The following SIX2 variants were observed in gnomAD, a reference collection of about 807,000 sequenced individuals.
The protein encoded by SIX2 is SIX homeobox 2, also known as homeobox protein SIX2.
SIX2 carries 20 observed loss-of-function variants against 22.8 expected under a neutral mutation model. The observed-to-expected ratio is 0.88, with a 90% CI of 0.62 to 1.28. The LOEUF is 1.28. SIX2 is among the 50% of genes most tolerant of loss of function. The pLI is 0.00. For missense variants in SIX2, 360 were observed against 400.0 expected (o/e 0.90, Z 0.85); for synonymous variants, 195 against 186.4 (o/e 1.05, Z -0.37).
chr2:45,009,024 C>A lies in SIX2; in HGVS notation c.87G>T (p.Arg29=). Residue 29 remains arginine, a synonymous_variant, in exon 1 of 2, where the codon CGG becomes CGT. Coordinates refer to ENST00000303077, the MANE Select transcript of SIX2 (RefSeq NM_016932.5). Reference sequence around the variant, plus strand: ...GCAGCGACCACAGGAAGCGGCCCAGCCGCTCGATGTTGCCGCCCTGCTGCA... The same window carrying A: ...GCAGCGACCACAGGAAGCGGCCCAGACGCTCGATGTTGCCGCCCTGCTGCA... ...EVLQQGGNIE[R]LGRFLWSLPA... is the part of the protein sequence containing the mutation. 6.2e-7 allele frequency: 1 copy of A among 1,610,516 alleles called. No individual in the cohort carries two copies. The highest frequency in any genetic ancestry group is 8.5e-7 in the Non-Finnish European group (1 of 1,179,696).
intron 1 of SIX2, 122 bp downstream of exon 1, chr2:45,008,429 G>T: frequency 3.8e-6 from 4 of 1,041,890 alleles, no homozygotes; most frequent in South Asian, 1.3e-5. Flanking sequence ...CCGGGCTGCC[G>T]CTGGGCTGTG....
rs753606261 is a variant in SIX2, at chr2:45,008,645, C to G, written c.466G>C (p.Glu156Gln). The change falls in exon 1 of 2, where the codon GAG becomes CAG. Residue 156 changes from glutamate (E) to glutamine (Q), a missense_variant. Around this residue, in one of 3 missense-constraint regions of SIX2, gnomAD observed 235 missense variants for 231.9 expected, o/e 1.01. Coordinates refer to ENST00000303077, the MANE Select transcript of SIX2 (RefSeq NM_016932.5). Reference protein sequence around the residue: ...NPYPSPREKRELAEATGLTTT... With the variant: ...NPYPSPREKRQLAEATGLTTT... The stretch of plus-strand genomic sequence containing the variant: ...GTGAGGCCCGTGGCCTCCGCCAGCT[C>G]ACGCTTCTCGCGGGGTGAAGGGTAG... The G allele has an allele frequency of 4.3e-6, 7 of 1,614,064 alleles. No homozygotes were observed. The Admixed American group carries it at 1.2e-4, about 27-fold the overall frequency.
Position 45,008,656 on chromosome 2 carries a change from C to T in SIX2, c.455G>A (p.Arg152His), listed in dbSNP as rs369994485. The change falls in exon 1 of 2, where the codon CGC (arginine) becomes CAC (histidine). Residue 152 changes from arginine (R) to histidine (H), a missense_variant. Around this residue, in one of 3 missense-constraint regions of SIX2, gnomAD observed 235 missense variants for 231.9 expected, o/e 1.01. Coordinates refer to ENST00000303077, the MANE Select transcript of SIX2 (RefSeq NM_016932.5). ...WYAHNPYPSPREKRELAEATG... is the reference protein window; with the variant it reads ...WYAHNPYPSPHEKRELAEATG... Reference sequence around the variant, plus strand: ...GGCCTCCGCCAGCTCACGCTTCTCGCGGGGTGAAGGGTAGGGGTTGTGCGC... The same window carrying T: ...GGCCTCCGCCAGCTCACGCTTCTCGTGGGGTGAAGGGTAGGGGTTGTGCGC... 3.7e-6 allele frequency: 6 copies of T among 1,614,070 alleles called. No individual in the cohort carries two copies. Among genetic ancestry groups the T allele is most frequent in the Non-Finnish European group, 5.1e-6 (6 of 1,179,966 alleles).
rs1476728744 is a variant in SIX2, at chr2:45,006,254, T to C, written c.792A>G (p.Gly264=). 1.2e-6 allele frequency: 2 copies of C among 1,614,058 alleles called. No homozygotes were observed. Among genetic ancestry groups the C allele is most frequent in the Admixed American group, 3.3e-5 (2 of 60,006 alleles). ...CATGGTGGTGTTGCAGTGGGTCCGC[T>C]CCACCTCCGCCTGGCACCGGCACTG... The part of the protein sequence containing the change: ...AVPVPVPGGG[G]ADPLQHHHGL... The change falls in exon 2 of 2, where the codon GGA becomes GGG. Residue 264 remains glycine, a synonymous_variant. Coordinates refer to ENST00000303077, the MANE Select transcript of SIX2 (RefSeq NM_016932.5). This position sits in a 1 kb window ranked among gnomAD's most constrained non-coding sequence, Gnocchi z 4.2.
In SIX2 at chr2:45,006,375, T is replaced by C; in HGVS notation, c.671A>G (p.His224Arg). Reference sequence around the variant, plus strand: ...GAGCAGTGCGGGGCTGGATGATGAGTGGTCTGGCGTCCCCGATGGAGTCTT... The same window carrying C: ...GAGCAGTGCGGGGCTGGATGATGAGCGGTCTGGCGTCCCCGATGGAGTCTT... The part of the protein sequence containing the change: ...DEKTPSGTPD[H>R]SSSSPALLLS... Residue 224 changes from histidine (H) to arginine (R), a missense_variant, in exon 2 of 2, where the codon CAC (histidine) becomes CGC (arginine). Coordinates refer to ENST00000303077, the MANE Select transcript of SIX2 (RefSeq NM_016932.5). The surrounding 1 kb of genome is among the most constrained non-coding windows in gnomAD (Gnocchi z 4.2). 1 of 1,613,988 alleles carries C rather than the reference T, an allele frequency of 6.2e-7. No homozygotes were observed. Among genetic ancestry groups the C allele is most frequent in the Non-Finnish European group, 8.5e-7 (1 of 1,179,972 alleles).
At position 45,008,798 on chromosome 2, in the gene SIX2, C is replaced by T. The variant is rs1403498689; in HGVS notation, c.313G>A (p.Ala105Thr). Residue 105 changes from alanine to threonine, a missense_variant, in exon 1 of 2, where the codon GCC becomes ACC. By Grantham distance (58) the Ala-to-Thr change is moderately conservative. Around this residue, in one of 3 missense-constraint regions of SIX2, gnomAD observed 7 missense variants for 33.1 expected, o/e 0.21. Transcript: ENST00000303077. ...CGGCGCACGCGGTATTTGCCCACGG[C>T]GCCCAGGGGTCGGCCGCGCAGCTTC... ...AEKLRGRPLG[A>T]VGKYRVRRKF... 1 of 1,613,692 alleles carries T rather than the reference C, an allele frequency of 6.2e-7. No individual in the cohort carries two copies. The highest frequency in any genetic ancestry group is 2.2e-5 in the East Asian group (1 of 44,884).
At position 45,009,119 on chromosome 2, in the gene SIX2, C is replaced by T. The variant is rs374980680; in HGVS notation, c.-9G>A. ...GTGGGCAGCATGGACATGGTGCCGG[C>T]TGCGTCCCCGCCCGCCCGCGCGCGC... On this transcript the variant is annotated 5_prime_UTR_variant, in exon 1 of 2. Coordinates refer to ENST00000303077, the MANE Select transcript of SIX2 (RefSeq NM_016932.5). 7.0e-4 allele frequency: 1,091 copies of T among 1,548,254 alleles called. 14 individuals are homozygous for T. The South Asian group carries it at 0.012, about 17-fold the overall frequency.
At chr2:45,007,051 C>T (rs1667780182) in intron 1 of SIX2, among the ~76,000 whole-genome samples, 1 of 152,214 alleles carries the variant, frequency 6.6e-6, no homozygotes, top group South Asian at 2.1e-4. Flanking sequence ...AGCGTCCTTT[C>T]CCTGTAGCTC....
intron 1 of SIX2, 53 bp downstream of exon 1, chr2:45,008,498 C>T: frequency 2.5e-6 from 4 of 1,580,438 alleles, no homozygotes; most frequent in East Asian, 2.2e-5. Context: ...CCCTGCGAAC[C>T]CCTCCCTTGG....
Position 45,006,098 on chromosome 2 carries a change from G to A in SIX2, c.*72C>T, listed in dbSNP as rs992839609. 3.9e-5 allele frequency: 60 copies of A among 1,540,228 alleles called. No individual in the cohort carries two copies. Among genetic ancestry groups the A allele is most frequent in the Admixed American group, 1.7e-4 (10 of 59,914 alleles). On this transcript the variant is annotated 3_prime_UTR_variant, in exon 2 of 2. Transcript: ENST00000303077. This position sits in a 1 kb window ranked among gnomAD's most constrained non-coding sequence, Gnocchi z 4.2. ...CCTGGTGGGGCCGCAGGGGCGGGGCGCCCCTGGACACCGCCACTCCACGTC... is the reference window on the plus strand; with the variant it reads ...CCTGGTGGGGCCGCAGGGGCGGGGCACCCCTGGACACCGCCACTCCACGTC...
rs1455275182 is a variant in SIX2 at position 45,009,340 on chromosome 2, C to T, written c.-230G>A. On this transcript the variant is annotated 5_prime_UTR_variant, in exon 1 of 2. The change creates a premature stop within an existing upstream ORF in the 5' untranslated region. Transcript: ENST00000303077. ...CCGCGCGCCTGGCCCAAGCCCTCGC[C>T]CAAGCCCGGGGGCCGCCCGGGGCGC... is the stretch of plus-strand genomic sequence containing the variant. The T allele has an allele frequency of 5.0e-6, 1 of 200,574 alleles. No homozygotes were observed. Among genetic ancestry groups the T allele is most frequent in the Non-Finnish European group, 9.7e-6 (1 of 103,174 alleles). The allele number at this position is 200,574 out of a possible 1,614,324, so 12.4% of individuals were successfully genotyped here.
In SIX2 at chr2:45,005,585, T is replaced by A. The variant is rs1197603581; in HGVS notation, c.*585A>T. 6.0e-6 allele frequency: 1 copy of A among 165,646 alleles called. No individual in the cohort carries two copies. The highest frequency in any genetic ancestry group is 2.4e-5 in the African/African-American group (1 of 41,482). The allele number at this position is 165,646 out of a possible 1,614,324, so 10.3% of individuals were successfully genotyped here. ...TTCCCTCTCCCACCCCCTACTCCGG[T>A]AAAGCGAGGGCCAGAGGTAGGGGCA... On this transcript the variant is annotated 3_prime_UTR_variant, in exon 2 of 2. Coordinates refer to ENST00000303077, the MANE Select transcript of SIX2 (RefSeq NM_016932.5).
rs1286887179 is a variant in SIX2 at position 45,006,843 on chromosome 2, G to C, written c.561-358C>G. Among the ~76,000 whole-genome samples, 1 of 152,174 alleles carries C rather than the reference G, an allele frequency of 6.6e-6. No individual in the cohort carries two copies. The highest frequency in any genetic ancestry group is 1.5e-5 in the Non-Finnish European group (1 of 68,038). On this transcript the variant is annotated intron_variant, in intron 1 of 1. Coordinates refer to ENST00000303077, the MANE Select transcript of SIX2 (RefSeq NM_016932.5). The surrounding 1 kb of genome is among the most constrained non-coding windows in gnomAD (Gnocchi z 4.2). ...GTTCCCTGAAGTTGTGGGGTGAGCC[G>C]GGAGGAAGAGACGATGCCTGGATTT...
At position 45,005,476 on chromosome 2, in the gene SIX2, C is replaced by G. The variant is rs1558439231; in HGVS notation, c.*694G>C. ...AAGTTACTAGACGAAAAGCTGACAC[C>G]TGCAGCTCCCACTGACCCACATGGG... is the stretch of plus-strand genomic sequence containing the variant. On this transcript the variant is annotated 3_prime_UTR_variant, in exon 2 of 2. Transcript: ENST00000303077. The G allele has an allele frequency of 2.0e-5, 3 of 153,218 alleles. No homozygotes were observed. Among genetic ancestry groups the G allele is most frequent in the Non-Finnish European group, 4.4e-5 (3 of 68,788 alleles). 9.5% of individuals were successfully genotyped at this position (153,218 alleles called of 1,614,324 possible).
rs183027957 is a variant in SIX2 at position 45,006,935 on chromosome 2, C to T, written c.561-450G>A. Among the ~76,000 whole-genome samples the T allele has an allele frequency of 6.6e-6, 1 of 152,268 alleles. No individual in the cohort carries two copies. Among genetic ancestry groups the T allele is most frequent in the Non-Finnish European group, 1.5e-5 (1 of 68,018 alleles). On this transcript the variant is annotated intron_variant, in intron 1 of 1. Transcript: ENST00000303077. This position sits in a 1 kb window ranked among gnomAD's most constrained non-coding sequence, Gnocchi z 4.2. The stretch of plus-strand genomic sequence containing the variant: ...ATGTGGGGCTAGCAGGTTAAGGAAC[C>T]CTGGATCCCAGGTCAAGGGATTTAG...
rs1667747650 is a variant in SIX2 at position 45,006,054 on chromosome 2, G to C, written c.*116C>G. The C allele has an allele frequency of 6.4e-6, 7 of 1,101,456 alleles. No individual in the cohort carries two copies. The highest frequency in any genetic ancestry group is 9.8e-6 in the Non-Finnish European group (7 of 713,086). The allele number at this position is 1,101,456 out of a possible 1,614,324, so 68.2% of individuals were successfully genotyped here. ...CCTACCCGGCTGTTCTACCCGCTCAGCCTGCGGGTCTTTCAGTACCTGGTG... is the reference window on the plus strand; with the variant it reads ...CCTACCCGGCTGTTCTACCCGCTCACCCTGCGGGTCTTTCAGTACCTGGTG... On this transcript the variant is annotated 3_prime_UTR_variant, in exon 2 of 2. Coordinates refer to ENST00000303077, the MANE Select transcript of SIX2 (RefSeq NM_016932.5). The surrounding 1 kb of genome is among the most constrained non-coding windows in gnomAD (Gnocchi z 4.2).
At position 45,008,562 on chromosome 2, in the gene SIX2, C is replaced by G; in HGVS notation, c.549G>C (p.Glu183Asp). The change falls in exon 1 of 2, where the codon GAG (glutamate) becomes GAC (aspartate). Residue 183 changes from glutamate to aspartate, a missense_variant. Around this residue, in one of 3 missense-constraint regions of SIX2, gnomAD observed 235 missense variants for 231.9 expected, o/e 1.01. Transcript: ENST00000303077. Reference sequence around the variant, plus strand: ...CTACTTACTCGTACCTTTCCTTGGCCTCGGCCGCCCGGTCGCGCTGCCGCC... The same window carrying G: ...CTACTTACTCGTACCTTTCCTTGGCGTCGGCCGCCCGGTCGCGCTGCCGCC... ...KNRRQRDRAAEAKERENNENS... is the reference protein window; with the variant it reads ...KNRRQRDRAADAKERENNENS... 6.2e-7 allele frequency: 1 copy of G among 1,613,808 alleles called. No homozygotes were observed. The highest frequency in any genetic ancestry group is 1.7e-5 in the Admixed American group (1 of 60,036).
At chr2:45,007,157 G>T (rs529895592) in intron 1 of SIX2, among the ~76,000 whole-genome samples, 2 of 152,154 alleles carry the variant, frequency 1.3e-5, no homozygotes, top group Non-Finnish European at 2.9e-5. Context: ...CAGTGAAAAC[G>T]TCAGCTCGGA....
Position 45,005,922 on chromosome 2 carries a change from T to G in SIX2, c.*248A>C. ...AGAGAGAATGACAGTGGTGTATAAT[T>G]TATTCCCTTCTGTGGTTCAAGACTC... is the stretch of plus-strand genomic sequence containing the variant. On this transcript the variant is annotated 3_prime_UTR_variant, in exon 2 of 2. Transcript: ENST00000303077. 1 of 607,946 alleles carries G rather than the reference T, an allele frequency of 1.6e-6. No individual in the cohort carries two copies. The highest frequency in any genetic ancestry group is 3.0e-6 in the Non-Finnish European group (1 of 337,418). The allele number at this position is 607,946 out of a possible 1,614,324, so 37.7% of individuals were successfully genotyped here. A position where few individuals can be genotyped will look rare whatever the true frequency, so the allele number is the denominator to read the frequency against.
Sources: allele counts gnomAD v4.1 joint callset (sites outside exome capture counted in the v4.1 genomes callset), GRCh38; gene constraint gnomAD v4.1.1; regional missense constraint gnomAD v4.1.1; non-coding constraint Gnocchi (gnomAD v3.1); transcripts MANE v1.5; gene names NCBI Gene and HGNC (gene_info 2026-07-23, HGNC 2026-07-21).